DAB1: variants seen among roughly 807,000 people sequenced by gnomAD.
DAB1 encodes the protein DAB adaptor protein 1.
DAB1 carries 15 observed loss-of-function variants against 64.6 expected under a neutral mutation model. That is an observed-to-expected ratio of 0.23 (90% CI 0.16 to 0.36). The LOEUF is 0.36. DAB1 is among the 10% of genes least tolerant of loss of function. The pLI is 1.00. For missense variants in DAB1, 596 were observed against 706.7 expected, an observed-to-expected ratio of 0.84 and a Z score of 1.78; for synonymous variants, 235 against 251.9, an observed-to-expected ratio of 0.93 and a Z score of 0.64.
intron 9 of DAB1, among the ~76,000 whole-genome samples, chr1:57,055,285 C>A (rs1232995530): frequency 6.6e-6 from 1 of 152,108 alleles, no homozygotes; most frequent in African/African-American, 2.4e-5. Context: ...GGAAAGGGTG[C>A]AGGAGAGAAG....
Position 58,385,826 on chromosome 1 carries a change from A to G in DAB1, n.258-42423T>C, listed in dbSNP as rs547981114. ...GGAGTCAAATGGAGATCAAGGTACCAACATTATTGCTTGTAAAGCTGCTTG... is the reference window on the plus strand; with the variant it reads ...GGAGTCAAATGGAGATCAAGGTACCGACATTATTGCTTGTAAAGCTGCTTG... On this transcript the variant is annotated intron_variant and non_coding_transcript_variant, in intron 3 of 20. Coordinates refer to the DAB1 transcript ENST00000485760. Among the ~76,000 whole-genome samples the G allele has an allele frequency of 2.6e-5, 4 of 152,352 alleles. No individual in the cohort carries two copies. The South Asian group carries it at 8.3e-4, about 32-fold the overall frequency.
intron 8 of DAB1, among the ~76,000 whole-genome samples, chr1:57,067,935 T>G (rs1651083402): frequency 6.6e-6 from 1 of 152,140 alleles, no homozygotes; most frequent in African/African-American, 2.4e-5. Context: ...TCTGAGAAGG[T>G]AAGTGCCTTG....
intron 4 of DAB1, among the ~76,000 whole-genome samples, chr1:57,099,314 C>T (rs1418487375): frequency 1.3e-5 from 2 of 152,224 alleles, no homozygotes. Flanking sequence ...AGAAAGGCTG[C>T]ATATGCATTG....
intron 7 of DAB1, among the ~76,000 whole-genome samples, chr1:57,599,304 C>T (rs1293744875): frequency 6.6e-6 from 1 of 151,798 alleles, no homozygotes; most frequent in Non-Finnish European, 1.5e-5. Flanking sequence ...TTTCCTTATG[C>T]CCAACAGGGC....
intron 1 of DAB1, among the ~76,000 whole-genome samples, chr1:57,295,155 T>C (rs1673084294): frequency 6.6e-6 from 1 of 152,012 alleles, no homozygotes; most frequent in African/African-American, 2.4e-5. Flanking sequence ...CAGACAGAAG[T>C]GAGGGTTGCA....
chr1:57,243,737 C>T (rs542937871), intron 2 of DAB1, among the ~76,000 whole-genome samples: 1 of 152,228 alleles, frequency 6.6e-6, no homozygotes, highest in South Asian at 2.1e-4. Flanking sequence ...CAGATGAATC[C>T]CGGCACTGCC....
intron 1 of DAB1, among the ~76,000 whole-genome samples, chr1:57,358,083 G>A (rs375564659): frequency 2.8e-4 from 42 of 152,168 alleles, no homozygotes; most frequent in African/African-American, 9.9e-4. Context: ...ATAAGATCAT[G>A]TCATTTGCAA....
intron 6 of DAB1, among the ~76,000 whole-genome samples, chr1:57,739,434 C>CCCCTCCCCTCCACTCCCCTCCCCTT (rs1647859011): frequency 5.5e-5 from 1 of 18,106 alleles, no homozygotes; most frequent in Non-Finnish European, 1.1e-4. Flanking sequence ...CAACTCCCCT[C>CCCCTCCCCTCCACTCCCCTCCCCTT]CCCTCCCCTC....
intron 11 of DAB1, among the ~76,000 whole-genome samples, chr1:57,020,945 C>T (rs1358332294): frequency 6.6e-6 from 1 of 152,166 alleles, no homozygotes; most frequent in African/African-American, 2.4e-5. Context: ...GGAGCCAGTC[C>T]ATCCGTTGTA....
intron 6 of DAB1, among the ~76,000 whole-genome samples, chr1:57,752,765 A>T (rs1011383664): frequency 8.5e-5 from 13 of 152,208 alleles, no homozygotes; most frequent in African/African-American, 3.1e-4. Flanking sequence ...CTCCCCCTTA[A>T]CATCTGATAA....
intron 1 of DAB1, among the ~76,000 whole-genome samples, chr1:58,539,836 C>T (rs1052710725): frequency 1.3e-5 from 2 of 152,044 alleles, no homozygotes; most frequent in Admixed American, 1.3e-4. Context: ...TAGGTGGAGC[C>T]CAGTGGTTCC....
intron 1 of DAB1, among the ~76,000 whole-genome samples, chr1:58,532,785 C>T (rs1049871102): frequency 1.2e-4 from 18 of 152,194 alleles, no homozygotes; most frequent in Admixed American, 8.5e-4. Context: ...CTCAGCCTCT[C>T]AAAGTGCTGG....
chr1:58,126,419 T>C (rs1387391706), intron 5 of DAB1, among the ~76,000 whole-genome samples: 2 of 151,430 alleles, frequency 1.3e-5, no homozygotes, highest in Non-Finnish European at 2.9e-5. Flanking sequence ...GTTCCATGAC[T>C]CCTCATTCAG....
intron 1 of DAB1, among the ~76,000 whole-genome samples, chr1:57,381,223 C>T (rs757617790): frequency 2.4e-4 from 37 of 152,214 alleles, no homozygotes; most frequent in Non-Finnish European, 4.1e-4. Flanking sequence ...AGAAAGACTG[C>T]TCTGATTTAC....
At chr1:58,401,831 A>T (rs1644571969) in intron 3 of DAB1, among the ~76,000 whole-genome samples, 1 of 152,238 alleles carries the variant, frequency 6.6e-6, no homozygotes, top group Non-Finnish European at 1.5e-5. Context: ...AAAATACATA[A>T]CATATTCTAT....
chr1:57,263,677 C>A (rs1381275152), intron 2 of DAB1, among the ~76,000 whole-genome samples: 1 of 152,028 alleles, frequency 6.6e-6, no homozygotes, highest in African/African-American at 2.4e-5. Flanking sequence ...AGGCAAAGTA[C>A]CTGAAAAAGC....
chr1:57,583,543 C>T (rs1010225777), intron 7 of DAB1, among the ~76,000 whole-genome samples: 3 of 152,122 alleles, frequency 2.0e-5, no homozygotes, highest in African/African-American at 7.2e-5. Context: ...CCTCAGCCTC[C>T]CAAAGTGCTG....
At chr1:58,169,875 G>A (rs572308607) in intron 4 of DAB1, among the ~76,000 whole-genome samples, 31 of 152,250 alleles carry the variant, frequency 2.0e-4, no homozygotes, top group African/African-American at 5.8e-4. Flanking sequence ...GCCCGACCCA[G>A]GTACATGTCC....
At chr1:57,230,872 A>G (rs910866330) in intron 2 of DAB1, among the ~76,000 whole-genome samples, 1 of 152,158 alleles carries the variant, frequency 6.6e-6, no homozygotes, top group African/African-American at 2.4e-5. Flanking sequence ...AACTTCTCCA[A>G]ATTCCAGTTT....
Sources: gnomAD v4.1 joint callset for allele counts (sites outside exome capture counted in the v4.1 genomes callset) on GRCh38, gnomAD v4.1.1 for gene constraint, MANE v1.5 for transcripts, NCBI Gene and HGNC (gene_info 2026-07-23, HGNC 2026-07-21) for gene names.